ABHD17A: variants seen among roughly 807,000 people sequenced by gnomAD.
The protein encoded by ABHD17A is abhydrolase domain containing 17A, depalmitoylase.
In ABHD17A, 10 loss-of-function variants were observed where a neutral mutation model predicts 26.8. That is an observed-to-expected ratio of 0.37 (90% CI 0.23 to 0.63). The LOEUF is 0.63. Among genes scored for constraint, ABHD17A ranks in the 30% least tolerant of loss-of-function variants. ABHD17A has a pLI of 0.61. For synonymous variants in ABHD17A, 167 were observed against 210.9 expected, an observed-to-expected ratio of 0.79 and a Z score of 1.80; for missense variants, 292 against 457.3, an observed-to-expected ratio of 0.64 and a Z score of 3.30.
In ABHD17A at chr19:1,877,136, G is replaced by T; in HGVS notation, c.*64C>A. The T allele has an allele frequency of 6.8e-7, 1 of 1,461,822 alleles. No individual in the cohort carries two copies. The highest frequency in any genetic ancestry group is 9.2e-7 in the Non-Finnish European group (1 of 1,085,632). The allele number at this position is 1,461,822 out of a possible 1,614,324, so 90.6% of individuals were successfully genotyped here. A position where few individuals can be genotyped will look rare whatever the true frequency, so the allele number is the denominator to read the frequency against. ...GGTCCACATGCAGCCCCTGGGTGGG[G>T]GCCGGCGCGGGGTGAGGTCCGGGGG... On this transcript the variant is annotated 3_prime_UTR_variant, in exon 5 of 5. Coordinates refer to ENST00000292577, the MANE Select transcript of ABHD17A (RefSeq NM_001130111.2).
intron 1 of ABHD17A, chr19:1,882,834 A>G (rs2012580212): frequency 6.6e-6 from 1 of 151,950 alleles, no homozygotes; most frequent in Non-Finnish European, 1.5e-5. Flanking sequence ...ACACGCTCAC[A>G]ACTCAATTTC....
chr19:1,881,145 G>T, intron 2 of ABHD17A, 90 bp downstream of exon 2: 1 of 1,570,778 alleles, frequency 6.4e-7, no homozygotes. Flanking sequence ...GGGCCCTCGG[G>T]GGCACCACCA....
intron 1 of ABHD17A, among the ~76,000 whole-genome samples, 189 bp downstream of exon 1, chr19:1,885,163 G>A (rs1469499093): frequency 6.6e-6 from 1 of 152,170 alleles, no homozygotes. Flanking sequence ...AATGGATGGG[G>A]ACAGGGCTTT....
Position 1,877,430 on chromosome 19 carries a change from G to A in ABHD17A, c.708-5C>T. ...ATCTTGGACACCTTCTCGATGCTGC[G>A]GGAGGGTCGTGGAGCCGGTGAGACT... On this transcript the variant is annotated splice_polypyrimidine_tract_variant and splice_region_variant and intron_variant, in intron 4 of 4. Coordinates refer to ENST00000292577, the MANE Select transcript of ABHD17A (RefSeq NM_001130111.2). 1 of 1,564,428 alleles carries A rather than the reference G, an allele frequency of 6.4e-7. No homozygotes were observed. The highest frequency in any genetic ancestry group is 8.6e-7 in the Non-Finnish European group (1 of 1,161,934).
At position 1,880,229 on chromosome 19, in the gene ABHD17A, T is replaced by C. The variant is rs529887358; in HGVS notation, c.333-114A>G. On this transcript the variant is annotated intron_variant, in intron 2 of 4. Coordinates refer to ENST00000292577, the MANE Select transcript of ABHD17A (RefSeq NM_001130111.2). The surrounding 1 kb of genome is among the most constrained non-coding windows in gnomAD (Gnocchi z 4.1). ...TGGCCAGCCATGCCCAGTGCCTCAT[T>C]TACTCCCCTCCCAAGGGGGCCAGAA... 44 of 1,124,290 alleles carry C rather than the reference T, an allele frequency of 3.9e-5. No individual in the cohort carries two copies. The African/African-American group carries it at 4.6e-4, about 12-fold the overall frequency. 69.6% of individuals were successfully genotyped at this position (1,124,290 alleles called of 1,614,324 possible). A position where few individuals can be genotyped will look rare whatever the true frequency, so the allele number is the denominator to read the frequency against.
At position 1,881,392 on chromosome 19, in the gene ABHD17A, A is replaced by C; in HGVS notation, c.175T>G (p.Ser59Ala). The C allele has an allele frequency of 6.2e-7, 1 of 1,605,008 alleles. No homozygotes were observed. The highest frequency in any genetic ancestry group is 8.5e-7 in the Non-Finnish European group (1 of 1,178,938). ...TTCCAGCGCCCGGGTGCGCCCGAGG[A>C]GGCTCTCAGGGTCCCCAAGGGGGCG... is the stretch of plus-strand genomic sequence containing the variant. ...GAAPLGTLRA[S>A]SGAPGRWKLH... The change falls in exon 2 of 5, where the codon TCC (serine) becomes GCC (alanine). Residue 59 changes from serine (S) to alanine (A), a missense_variant. This residue lies in a region of ABHD17A where 171 missense variants were observed against 216.1 expected (regional missense o/e 0.79). Coordinates refer to ENST00000292577, the MANE Select transcript of ABHD17A (RefSeq NM_001130111.2).
Position 1,879,990 on chromosome 19 carries a change from C to T in ABHD17A, c.458G>A (p.Ser153Asn), listed in dbSNP as rs1348347536. 1 of 1,613,208 alleles carries T rather than the reference C, an allele frequency of 6.2e-7. No individual in the cohort carries two copies. The highest frequency in any genetic ancestry group is 1.7e-5 in the Admixed American group (1 of 60,016). ...GTTCCTCTCGGAAGGCCTGCCCGAG[C>T]TGGCACCGTAGCCGGAGTAGTCGTA... ...FSYDYSGYGA[S>N]SGRPSERNLY... Residue 153 changes from serine (S) to asparagine (N), a missense_variant, in exon 3 of 5, where the codon AGC (serine) becomes AAC (asparagine). Around this residue, in one of 4 missense-constraint regions of ABHD17A, gnomAD observed 25 missense variants for 40.3 expected, o/e 0.62. Transcript: ENST00000292577. This position sits in a 1 kb window ranked among gnomAD's most constrained non-coding sequence, Gnocchi z 7.6.
In ABHD17A at chr19:1,876,816, A is replaced by G. The variant is rs934555403; in HGVS notation, c.*384T>C. ...GCTCCCTAAGGGCTCCCCGGACTAG[A>G]CAGAGACCCACCCCACTTCCGCAGA... On this transcript the variant is annotated 3_prime_UTR_variant, in exon 5 of 5. Transcript: ENST00000292577. 3 of 241,736 alleles carry G rather than the reference A, an allele frequency of 1.2e-5. No individual in the cohort carries two copies. Among genetic ancestry groups the G allele is most frequent in the Admixed American group, 1.1e-4 (2 of 19,032 alleles). 15.0% of individuals were successfully genotyped at this position (241,736 alleles called of 1,614,324 possible).
chr19:1,877,460 G>A lies in ABHD17A; in HGVS notation c.708-35C>T, dbSNP rs748864759. The A allele has an allele frequency of 1.0e-5, 16 of 1,569,082 alleles. No homozygotes were observed. The African/African-American group carries it at 1.2e-4, about 12-fold the overall frequency. ...GGTCGTGGAGCCGGTGAGACTTCGC[G>A]CCCGGCCCGGGCCCCGCCCCGCCCC... On this transcript the variant is annotated intron_variant, in intron 4 of 4. Coordinates refer to ENST00000292577, the MANE Select transcript of ABHD17A (RefSeq NM_001130111.2).
In ABHD17A at chr19:1,876,868, G is replaced by A; in HGVS notation, c.*332C>T. 2.8e-6 allele frequency: 1 copy of A among 361,630 alleles called. No homozygotes were observed. The highest frequency in any genetic ancestry group is 7.0e-5 in the East Asian group (1 of 14,314). The allele number at this position is 361,630 out of a possible 1,614,324, so 22.4% of individuals were successfully genotyped here. Reference sequence around the variant, plus strand: ...TAAAACCTATAAGGGGGTCCGTGCCGATCTCTCCTAGGGACTCAGGGACGA... The same window carrying A: ...TAAAACCTATAAGGGGGTCCGTGCCAATCTCTCCTAGGGACTCAGGGACGA... On this transcript the variant is annotated 3_prime_UTR_variant, in exon 5 of 5. Transcript: ENST00000292577.
rs760405300 is a variant in ABHD17A, at chr19:1,881,543, C to T, written c.24G>A (p.Glu8=). The change falls in exon 2 of 5, where the codon GAG becomes GAA. Residue 8 remains glutamate (E), a synonymous_variant. Transcript: ENST00000292577. ...GCGGGCAGCAGAAGAGGCAGCAGAG[C>T]TCACTCAGCGACAGCCCATTCATGG... MNGLSLS[E]LCCLFCCPPC... 3.1e-6 allele frequency: 5 copies of T among 1,602,410 alleles called. No homozygotes were observed. The highest frequency in any genetic ancestry group is 4.2e-6 in the Non-Finnish European group (5 of 1,178,322).
In ABHD17A at chr19:1,877,104, C is replaced by T. The variant is rs2012377978; in HGVS notation, c.*96G>A. ...GGTCGGGGCGGGGTCCCCTGGGCCG[C>T]CCGGGGGGTCCACATGCAGCCCCTG... is the stretch of plus-strand genomic sequence containing the variant. On this transcript the variant is annotated 3_prime_UTR_variant, in exon 5 of 5. Coordinates refer to ENST00000292577, the MANE Select transcript of ABHD17A (RefSeq NM_001130111.2). 9 of 1,303,722 alleles carry T rather than the reference C, an allele frequency of 6.9e-6. No individual in the cohort carries two copies. The highest frequency in any genetic ancestry group is 2.3e-5 in the Admixed American group (1 of 43,424). 80.8% of individuals were successfully genotyped at this position (1,303,722 alleles called of 1,614,324 possible). A position where few individuals can be genotyped will look rare whatever the true frequency, so the allele number is the denominator to read the frequency against.
rs750969754 is a variant in ABHD17A at position 1,881,415 on chromosome 19, G to C, written c.152C>G (p.Ala51Gly). 1 of 1,602,782 alleles carries C rather than the reference G, an allele frequency of 6.2e-7. No individual in the cohort carries two copies. The highest frequency in any genetic ancestry group is 1.7e-5 in the Admixed American group (1 of 59,846). The change falls in exon 2 of 5, where the codon GCC becomes GGC. Residue 51 changes from alanine (A) to glycine (G), a missense_variant. Physicochemically the swap from Ala to Gly is moderately conservative, Grantham distance 60 (BLOSUM62 0). Coordinates refer to ENST00000292577, the MANE Select transcript of ABHD17A (RefSeq NM_001130111.2). ...PEPGPGGAGA[A>G]PLGTLRASSG... ...GGAGGCTCTCAGGGTCCCCAAGGGG[G>C]CGGCCCCGGCCCCACCAGGCCCCGG...
intron 1 of ABHD17A, chr19:1,882,326 G>T (rs542267734): frequency 2.0e-5 from 3 of 152,444 alleles, no homozygotes; most frequent in Admixed American, 6.5e-5. Context: ...CCACCGGCCT[G>T]CGATGTCTGG....
rs1475659681 is a variant in ABHD17A, at chr19:1,880,551, G to C, written c.333-436C>G. 6.6e-6 allele frequency among the ~76,000 whole-genome samples: 1 copy of C among 152,188 alleles called. No individual in the cohort carries two copies. The highest frequency in any genetic ancestry group is 6.5e-5 in the Admixed American group (1 of 15,288). On this transcript the variant is annotated intron_variant, in intron 2 of 4. Coordinates refer to ENST00000292577, the MANE Select transcript of ABHD17A (RefSeq NM_001130111.2). The surrounding 1 kb of genome is among the most constrained non-coding windows in gnomAD (Gnocchi z 4.1). Reference sequence around the variant, plus strand: ...CCCACCTTTCAGGACCTTCCCAGGGGAGCCCATGCTGCTGCTGGCAGGGCT... The same window carrying C: ...CCCACCTTTCAGGACCTTCCCAGGGCAGCCCATGCTGCTGCTGGCAGGGCT...
At position 1,880,109 on chromosome 19, in the gene ABHD17A, C is replaced by G; in HGVS notation, c.339G>C (p.Thr113=). Residue 113 remains threonine, a synonymous_variant, in exon 3 of 5, where the codon ACG becomes ACC. Transcript: ENST00000292577. This position sits in a 1 kb window ranked among gnomAD's most constrained non-coding sequence, Gnocchi z 4.1. ...CGGCATTGCCGTGCGAGAAGAGGAC[C>G]GTGTACCTGGGACAGGCCGAGAAGG... ...YVRCVPGARY[T]VLFSHGNAVD... 6.2e-7 allele frequency: 1 copy of G among 1,612,998 alleles called. No homozygotes were observed. Among genetic ancestry groups the G allele is most frequent in the Non-Finnish European group, 8.5e-7 (1 of 1,179,932 alleles).
Position 1,877,104 on chromosome 19 carries a change from C to G in ABHD17A, c.*96G>C. On this transcript the variant is annotated 3_prime_UTR_variant, in exon 5 of 5. Transcript: ENST00000292577. The stretch of plus-strand genomic sequence containing the variant: ...GGTCGGGGCGGGGTCCCCTGGGCCG[C>G]CCGGGGGGTCCACATGCAGCCCCTG... The G allele has an allele frequency of 7.7e-7, 1 of 1,303,840 alleles. No individual in the cohort carries two copies. The highest frequency in any genetic ancestry group is 1.0e-6 in the Non-Finnish European group (1 of 957,420). 80.8% of individuals were successfully genotyped at this position (1,303,840 alleles called of 1,614,324 possible). A position where few individuals can be genotyped will look rare whatever the true frequency, so the allele number is the denominator to read the frequency against.
intron 1 of ABHD17A, chr19:1,882,358 C>A (rs1368752462): frequency 6.6e-6 from 1 of 152,364 alleles, no homozygotes; most frequent in East Asian, 1.9e-4. Context: ...ATACAACAAA[C>A]AAAGGCTCTA....
intron 1 of ABHD17A, chr19:1,882,289 T>C (rs977229438): frequency 4.6e-5 from 7 of 152,354 alleles, no homozygotes; most frequent in African/African-American, 1.2e-4. Flanking sequence ...CAGGCCCCGC[T>C]ACGTGAGCGT....
Sources: allele counts gnomAD v4.1 joint callset (sites outside exome capture counted in the v4.1 genomes callset), GRCh38; gene constraint gnomAD v4.1.1; regional missense constraint gnomAD v4.1.1; non-coding constraint Gnocchi (gnomAD v3.1); transcripts MANE v1.5; gene names NCBI Gene and HGNC (gene_info 2026-07-23, HGNC 2026-07-21).